CFAP418: variants seen among roughly 807,000 people sequenced by gnomAD.
CFAP418 encodes the protein cilia and flagella associated protein 418.
CFAP418 carries 27 observed loss-of-function variants against 24.7 expected under a neutral mutation model. The ratio of observed to expected loss-of-function variants is 1.09; its 90% CI spans 0.81 to 1.51. The LOEUF is 1.51. Ranked by LOEUF, CFAP418 falls within the 40% of genes most tolerant of loss-of-function variation. CFAP418 has a pLI of 0.00. For synonymous variants in CFAP418, 74 were observed against 87.3 expected (o/e 0.85, Z 0.85); for missense variants, 257 against 255.2 (o/e 1.01, Z -0.05).
At position 95,257,049 on chromosome 8, in the gene CFAP418, T is replaced by C. The variant is rs1229485403; in HGVS notation, c.374+2791A>G. ...CTGAATAGAGGAGAGGCACTCAGAA[T>C]AGTATTTTAGGGATATTATCTTGAA... On this transcript the variant is annotated intron_variant, in intron 4 of 5. Coordinates refer to ENST00000286688, the MANE Select transcript of CFAP418 (RefSeq NM_177965.4). Among the ~76,000 whole-genome samples the C allele has an allele frequency of 3.9e-5, 6 of 152,186 alleles. No individual in the cohort carries two copies. In the South Asian group the frequency reaches 6.2e-4, roughly 16 times the overall value.
Position 95,269,081 on chromosome 8 carries a change from T to TGCC in CFAP418, c.106_108dup (p.Gly36dup), listed in dbSNP as rs745435006. On this transcript the variant is annotated inframe_insertion, in exon 1 of 6. Coordinates refer to ENST00000286688, the MANE Select transcript of CFAP418 (RefSeq NM_177965.4). ...GCTTGGTTCCGGTCGCTACTGTGGG[T>TGCC]GCCGCCGCCGCAGCCTTTGGGCTGC... The TGCC allele has an allele frequency of 2.3e-5, 37 of 1,614,148 alleles. No individual in the cohort carries two copies. Among genetic ancestry groups the TGCC allele is most frequent in the Non-Finnish European group, 2.9e-5 (34 of 1,180,000 alleles).
chr8:95,261,496 G>T (rs536193413), intron 2 of CFAP418, among the ~76,000 whole-genome samples: 8 of 152,138 alleles, frequency 5.3e-5, no homozygotes, highest in African/African-American at 1.9e-4. Context: ...TCAGAAATGC[G>T]ACAGAATGGG....
intron 1 of CFAP418, among the ~76,000 whole-genome samples, chr8:95,268,580 G>C (rs1375686993): frequency 1.3e-5 from 2 of 152,024 alleles, no homozygotes; most frequent in Non-Finnish European, 2.9e-5. Flanking sequence ...CACCTCACAG[G>C]GAGATGAGAA....
At chr8:95,257,871 G>C (rs187191452) in intron 4 of CFAP418, among the ~76,000 whole-genome samples, 1 of 152,284 alleles carries the variant, frequency 6.6e-6, no homozygotes, top group African/African-American at 2.4e-5. Flanking sequence ...AAAGTTAACT[G>C]TAAAACAGCC....
At chr8:95,257,613 G>A (rs567234923) in intron 4 of CFAP418, among the ~76,000 whole-genome samples, 15 of 152,178 alleles carry the variant, frequency 9.9e-5, no homozygotes, top group Admixed American at 3.3e-4. Flanking sequence ...GAATTATAAC[G>A]GAGCTAAATA....
At chr8:95,255,656 T>C (rs117171274) in intron 4 of CFAP418, among the ~76,000 whole-genome samples, 1 of 152,344 alleles carries the variant, frequency 6.6e-6, no homozygotes, top group Non-Finnish European at 1.5e-5. Context: ...TTCATCAAAA[T>C]TTGTTCATTT....
chr8:95,263,589 A>C, intron 2 of CFAP418, 98 bp downstream of exon 2: 1 of 674,298 alleles, frequency 1.5e-6, no homozygotes, highest in South Asian at 2.2e-5. Flanking sequence ...TCAGAATTCA[A>C]AAGATAATGG....
intron 4 of CFAP418, among the ~76,000 whole-genome samples, chr8:95,254,259 A>C (rs1811753621): frequency 6.6e-6 from 1 of 152,166 alleles, no homozygotes. Flanking sequence ...TCCTACTACT[A>C]TTCTCTCCCC....
At chr8:95,260,682 G>T in intron 2 of CFAP418, 150 bp from the exon 3 acceptor site, 1 of 535,578 alleles carries the variant, frequency 1.9e-6, no homozygotes, top group Non-Finnish European at 3.2e-6. Flanking sequence ...TAAAAACAAT[G>T]ATCAAAACCT....
rs376587956 is a variant in CFAP418, at chr8:95,259,897, G to T, written c.317C>A (p.Pro106Gln). Residue 106 changes from proline to glutamine, a missense_variant, in exon 4 of 6, where the codon CCG (proline) becomes CAG (glutamine). Coordinates refer to ENST00000286688, the MANE Select transcript of CFAP418 (RefSeq NM_177965.4). ...SIEGLGKSCSPVYLGGSSIPC... is the reference protein window; with the variant it reads ...SIEGLGKSCSQVYLGGSSIPC... Reference sequence around the variant, plus strand: ...AATAGAGCTTCCACCAAGGTACACCGGACTGCAACTAGATGTGTTCAACAG... The same window carrying T: ...AATAGAGCTTCCACCAAGGTACACCTGACTGCAACTAGATGTGTTCAACAG... The T allele has an allele frequency of 2.6e-5, 42 of 1,603,834 alleles. No individual in the cohort carries two copies. Among genetic ancestry groups the T allele is most frequent in the Non-Finnish European group, 3.6e-5 (42 of 1,176,622 alleles).
chr8:95,259,983 A>T (rs1383344625), intron 3 of CFAP418, 78 bp from the exon 4 acceptor site: 3 of 1,318,928 alleles, frequency 2.3e-6, no homozygotes, highest in African/African-American at 1.5e-5. Flanking sequence ...TGTTAAAAAA[A>T]TTTTTGGTTT....
At chr8:95,254,886 G>A (rs964518955) in intron 4 of CFAP418, among the ~76,000 whole-genome samples, 6 of 152,202 alleles carry the variant, frequency 3.9e-5, no homozygotes, top group Non-Finnish European at 5.9e-5. Flanking sequence ...ATATGACCTT[G>A]AGCAAGGCAC....
Position 95,263,777 on chromosome 8 carries a change from G to C in CFAP418, c.156-3C>G. ...CTTTTTTAAATGTTTCTGTTGATCT[G>C]AAAAGAAGACATACACAAAGAAAAC... On this transcript the variant is annotated splice_polypyrimidine_tract_variant and splice_region_variant and intron_variant, in intron 1 of 5. Coordinates refer to ENST00000286688, the MANE Select transcript of CFAP418 (RefSeq NM_177965.4). The C allele has an allele frequency of 6.4e-7, 1 of 1,568,270 alleles. No individual in the cohort carries two copies. Among genetic ancestry groups the C allele is most frequent in the Non-Finnish European group, 8.8e-7 (1 of 1,141,378 alleles).
In CFAP418 at chr8:95,247,613, A is replaced by C. The variant is rs1472734348; in HGVS notation, c.*4T>G. The C allele has an allele frequency of 6.2e-7, 1 of 1,614,160 alleles. No homozygotes were observed. The highest frequency in any genetic ancestry group is 1.7e-5 in the Admixed American group (1 of 60,028). ...GCATCTGTCCGAATGTGCAGTCTGC[A>C]TTCTTAATGTTTACCACAAACCCAG... On this transcript the variant is annotated 3_prime_UTR_variant, in exon 6 of 6. Coordinates refer to ENST00000286688, the MANE Select transcript of CFAP418 (RefSeq NM_177965.4).
At chr8:95,249,210 T>C (rs928159448) in intron 5 of CFAP418, among the ~76,000 whole-genome samples, 6 of 152,248 alleles carry the variant, frequency 3.9e-5, no homozygotes, top group African/African-American at 1.4e-4. Flanking sequence ...GATCTAATTA[T>C]GACATTTGAA....
At chr8:95,251,920 T>C (rs13278690) in intron 5 of CFAP418, among the ~76,000 whole-genome samples, 8,807 of 152,256 alleles carry the variant, frequency 0.058, 371 homozygotes, top group Non-Finnish European at 0.088. Context: ...ACCACAAACA[T>C]GTGCAATGCA....
chr8:95,268,799 G>T, intron 1 of CFAP418: 1 of 319,058 alleles, frequency 3.1e-6, no homozygotes, highest in Non-Finnish European at 5.7e-6. Flanking sequence ...GCGGGGGCCA[G>T]CCCTCTGGGG....
intron 3 of CFAP418, 78 bp downstream of exon 3, chr8:95,260,390 G>A: frequency 1.8e-6 from 2 of 1,083,780 alleles, no homozygotes; most frequent in African/African-American, 1.7e-5. Context: ...CTGTTTAAAT[G>A]GTAACAAAAT....
chr8:95,260,920 T>C (rs1811877858), intron 2 of CFAP418, among the ~76,000 whole-genome samples: 1 of 152,234 alleles, frequency 6.6e-6, no homozygotes, highest in South Asian at 2.1e-4. Context: ...CAGACTCATT[T>C]TTAAAGGCTG....
Sources: gnomAD v4.1 joint callset for allele counts (sites outside exome capture counted in the v4.1 genomes callset) on GRCh38, gnomAD v4.1.1 for gene constraint, MANE v1.5 for transcripts, NCBI Gene and HGNC (gene_info 2026-07-23, HGNC 2026-07-21) for gene names.